OPCML: variants seen among roughly 807,000 people sequenced by gnomAD.
OPCML encodes the protein opioid-binding protein/cell adhesion molecule.
A neutral mutation model predicts 37.8 loss-of-function variants in OPCML; 13 were observed. The observed-to-expected ratio is 0.34, with a 90% CI of 0.22 to 0.55. The LOEUF (loss-of-function observed/expected upper bound fraction) is 0.55, where lower values mean the gene tolerates loss of function less well. OPCML is among the 20% of genes least tolerant of loss of function. The pLI is 0.91. For missense variants in OPCML, 341 were observed against 435.6 expected (o/e 0.78, Z 1.93); for synonymous variants, 176 against 168.8 (o/e 1.04, Z -0.33).
intron 2 of OPCML, among the ~76,000 whole-genome samples, chr11:132,688,305 T>C (rs574038526): frequency 6.6e-6 from 1 of 152,302 alleles, no homozygotes; most frequent in East Asian, 1.9e-4. Context: ...TTTTCATCAC[T>C]CATGCTCTTT....
intron 2 of OPCML, among the ~76,000 whole-genome samples, chr11:132,904,266 TTCTA>T (rs1944159746): frequency 6.6e-6 from 1 of 152,206 alleles, no homozygotes; most frequent in Admixed American, 6.5e-5. Context: ...GAGAATGCAT[TTCTA>T]TCTAATAGAG....
chr11:133,273,160 C>T (rs1022145222), intron 1 of OPCML, among the ~76,000 whole-genome samples: 1 of 152,170 alleles, frequency 6.6e-6, no homozygotes, highest in African/African-American at 2.4e-5. Flanking sequence ...TATCCTATTT[C>T]ATTTATTCTA....
intron 1 of OPCML, among the ~76,000 whole-genome samples, chr11:133,094,800 A>G (rs1948971786): frequency 6.6e-6 from 1 of 152,164 alleles, no homozygotes; most frequent in Admixed American, 6.5e-5. Context: ...TGAGTTTGCA[A>G]TAACTGAGTC....
At chr11:132,513,142 G>A (rs925688399) in intron 4 of OPCML, among the ~76,000 whole-genome samples, 1 of 152,096 alleles carries the variant, frequency 6.6e-6, no homozygotes, top group Non-Finnish European at 1.5e-5. Flanking sequence ...GGTTAGTGCT[G>A]CTTAATGAAG....
chr11:133,525,321 C>G (rs896833204), intron 1 of OPCML, among the ~76,000 whole-genome samples: 4 of 152,276 alleles, frequency 2.6e-5, no homozygotes, highest in African/African-American at 9.6e-5. Context: ...GGTAACCTGA[C>G]AGGTGAAGCC....
At chr11:132,540,525 G>C (rs1359125669) in intron 3 of OPCML, among the ~76,000 whole-genome samples, 1 of 152,248 alleles carries the variant, frequency 6.6e-6, no homozygotes, top group East Asian at 1.9e-4. Context: ...ATGTTATTTG[G>C]TCTTATATAC....
chr11:133,222,082 T>A (rs1939859483), intron 1 of OPCML, among the ~76,000 whole-genome samples: 1 of 152,104 alleles, frequency 6.6e-6, no homozygotes, highest in South Asian at 2.1e-4. Flanking sequence ...CCCAAATCTA[T>A]GCCCTGTAGT....
intron 4 of OPCML, among the ~76,000 whole-genome samples, chr11:132,500,438 G>GAAC: frequency 1.3e-5 from 2 of 152,260 alleles, no homozygotes; most frequent in Middle Eastern, 6.8e-3. Flanking sequence ...TGGGTCCAGG[G>GAAC]AACAGCTTCC....
chr11:133,183,827 C>G (rs1201772044), intron 1 of OPCML, among the ~76,000 whole-genome samples: 1 of 152,150 alleles, frequency 6.6e-6, no homozygotes, highest in Non-Finnish European at 1.5e-5. Flanking sequence ...AACTCATACT[C>G]TAAAGAGAAA....
intron 1 of OPCML, among the ~76,000 whole-genome samples, chr11:133,074,909 C>T (rs1028390703): frequency 6.6e-6 from 1 of 152,116 alleles, no homozygotes; most frequent in Non-Finnish European, 1.5e-5. Flanking sequence ...AGTTAAATAA[C>T]CATGCACAGA....
At chr11:133,368,398 G>A (rs1944599624) in intron 1 of OPCML, among the ~76,000 whole-genome samples, 1 of 151,726 alleles carries the variant, frequency 6.6e-6, no homozygotes, top group Non-Finnish European at 1.5e-5. Context: ...TGAGGGTGAG[G>A]CATTAAGACC....
intron 7 of OPCML, among the ~76,000 whole-genome samples, chr11:132,428,669 T>C (rs1006052419): frequency 3.9e-5 from 6 of 152,178 alleles, no homozygotes; most frequent in Non-Finnish European, 7.3e-5. Flanking sequence ...CAGACAGACC[T>C]AGGTACAAAA....
intron 2 of OPCML, among the ~76,000 whole-genome samples, chr11:132,787,205 C>T (rs1469944993): frequency 6.6e-6 from 1 of 152,190 alleles, no homozygotes; most frequent in African/African-American, 2.4e-5. Context: ...CTAGCATCCA[C>T]TGTGTAATAA....
At chr11:132,622,410 CA>C (rs1409211681) in intron 3 of OPCML, among the ~76,000 whole-genome samples, 6 of 151,386 alleles carry the variant, frequency 4.0e-5, no homozygotes, top group Admixed American at 1.3e-4. Context: ...GCCAAGAGCA[CA>C]AAAAAAGGAC....
At chr11:133,292,857 G>T (rs147178729) in intron 1 of OPCML, among the ~76,000 whole-genome samples, 82 of 152,248 alleles carry the variant, frequency 5.4e-4, no homozygotes, top group Admixed American at 1.2e-3. Context: ...CATGATTCTA[G>T]AAATCAGTCT....
At chr11:133,334,672 C>T (rs1261684978) in intron 1 of OPCML, among the ~76,000 whole-genome samples, 1 of 152,160 alleles carries the variant, frequency 6.6e-6, no homozygotes, top group Non-Finnish European at 1.5e-5. Flanking sequence ...GGAAAAAACA[C>T]TTTAACCCAT....
At chr11:133,037,147 G>C (rs1189495064) in intron 1 of OPCML, among the ~76,000 whole-genome samples, 1 of 152,178 alleles carries the variant, frequency 6.6e-6, no homozygotes, top group Non-Finnish European at 1.5e-5. Flanking sequence ...AAAAGCCATG[G>C]CTGAATCAAT....
intron 7 of OPCML, among the ~76,000 whole-genome samples, chr11:132,430,813 C>T (rs2095994283): frequency 6.6e-6 from 1 of 152,178 alleles, no homozygotes; most frequent in Non-Finnish European, 1.5e-5. Flanking sequence ...TTCCAGTCAT[C>T]CAGGCGTTTA....
intron 1 of OPCML, among the ~76,000 whole-genome samples, chr11:133,141,603 C>T (rs938417444): frequency 2.8e-4 from 43 of 152,068 alleles, no homozygotes; most frequent in African/African-American, 1.0e-3. Flanking sequence ...TTTATTGAAT[C>T]TCACCTTTCT....
Sources: allele counts gnomAD v4.1 joint callset (sites outside exome capture counted in the v4.1 genomes callset), GRCh38; gene constraint gnomAD v4.1.1; transcripts MANE v1.5; gene names NCBI Gene and HGNC (gene_info 2026-07-23, HGNC 2026-07-21).